LRP1B: variants seen among roughly 807,000 people sequenced by gnomAD.
LRP1B encodes low-density lipoprotein receptor-related protein 1B.
In LRP1B, 217 loss-of-function variants were observed where a neutral mutation model predicts 556.6. That is an observed-to-expected ratio of 0.39 (90% confidence interval 0.35 to 0.44). LRP1B has a LOEUF of 0.44. Ranked by LOEUF, LRP1B falls within the 20% of genes least tolerant of loss-of-function variation. The probability of loss-of-function intolerance (pLI) is 1.00; values close to 1 mark genes in which losing one functional copy is unlikely to be tolerated. For missense variants in LRP1B, 5,053 were observed against 5,620.8 expected (o/e 0.90, Z 3.23); for synonymous variants, 2,047 against 1,865.8 (o/e 1.10, Z -2.50).
intron 1 of LRP1B, among the ~76,000 whole-genome samples, chr2:142,073,170 T>C (rs924124783): frequency 6.6e-6 from 1 of 152,010 alleles, no homozygotes; most frequent in African/African-American, 2.4e-5. Context: ...AGTAGGACTA[T>C]ATTTCTATAT....
At chr2:140,295,019 G>A (rs1035398916) in intron 84 of LRP1B, among the ~76,000 whole-genome samples, 1 of 152,050 alleles carries the variant, frequency 6.6e-6, no homozygotes, top group African/African-American at 2.4e-5. Context: ...TGGGACTACA[G>A]GTGCCCGCCA....
chr2:140,883,862 C>A lies in LRP1B; in HGVS notation c.4124G>T (p.Gly1375Val). 6.2e-7 allele frequency: 1 copy of A among 1,613,870 alleles called. No individual in the cohort carries two copies. The highest frequency in any genetic ancestry group is 8.5e-7 in the Non-Finnish European group (1 of 1,179,918). Residue 1375 changes from glycine to valine, a missense_variant, in exon 25 of 91, where the codon GGA (glycine) becomes GTA (valine). This residue lies in a region of LRP1B where 3,619 missense variants were observed against 3,931.9 expected (regional missense o/e 0.92). Transcript: ENST00000389484. Reference sequence around the variant, plus strand: ...AATGGCCCTGGGGTGTTCCATGGCTCCTGCTATTAGTGTAGTTCTTAGGGA... The same window carrying A: ...AATGGCCCTGGGGTGTTCCATGGCTACTGCTATTAGTGTAGTTCTTAGGGA... ...DGSLRTTLIA[G>V]AMEHPRAIAL...
At chr2:140,255,597 T>C (rs1681638845) in intron 86 of LRP1B, among the ~76,000 whole-genome samples, 1 of 152,222 alleles carries the variant, frequency 6.6e-6, no homozygotes, top group African/African-American at 2.4e-5. Context: ...TCTTGAACAG[T>C]ATCCAGTAAA....
intron 15 of LRP1B, among the ~76,000 whole-genome samples, chr2:140,997,269 C>CT (rs1347671593): frequency 1.3e-5 from 2 of 151,872 alleles, no homozygotes; most frequent in Non-Finnish European, 2.9e-5. Context: ...CTCCAAGGCA[C>CT]TACAAAAGAA....
intron 63 of LRP1B, among the ~76,000 whole-genome samples, chr2:140,447,179 GAAGAA>G (rs536755047): frequency 6.9e-4 from 105 of 152,188 alleles, no homozygotes; most frequent in African/African-American, 2.0e-3. Flanking sequence ...GCAATGATGT[GAAGAA>G]AAGAAAACTC....
At chr2:141,313,755 T>G (rs932056461) in intron 3 of LRP1B, among the ~76,000 whole-genome samples, 14 of 152,178 alleles carry the variant, frequency 9.2e-5, no homozygotes, top group Non-Finnish European at 1.9e-4. Flanking sequence ...AAAAATAACT[T>G]GGGGAACTGA....
intron 41 of LRP1B, among the ~76,000 whole-genome samples, chr2:140,630,224 C>T (rs476680): frequency 0.083 from 12,545 of 151,994 alleles, 678 homozygotes; most frequent in East Asian, 0.18. Context: ...ACAAGTTTTC[C>T]GGGAGATTCT....
At chr2:141,995,757 C>T (rs142334034) in intron 1 of LRP1B, among the ~76,000 whole-genome samples, 2 of 152,218 alleles carry the variant, frequency 1.3e-5, no homozygotes, top group East Asian at 3.9e-4. Flanking sequence ...TTGGTGAAAA[C>T]TTTCAAGAAA....
At chr2:142,123,777 T>A (rs1331510347) in intron 1 of LRP1B, among the ~76,000 whole-genome samples, 1 of 151,778 alleles carries the variant, frequency 6.6e-6, no homozygotes, top group Non-Finnish European at 1.5e-5. Context: ...AAATGGAAAC[T>A]TTTAAATACA....
intron 3 of LRP1B, among the ~76,000 whole-genome samples, chr2:141,352,358 G>A (rs1477052811): frequency 1.3e-5 from 2 of 151,776 alleles, no homozygotes; most frequent in Non-Finnish European, 2.9e-5. Context: ...AAATCATGGG[G>A]TTATGCTATA....
In LRP1B at chr2:140,868,189, T is replaced by A. The variant is rs1266996774; in HGVS notation, c.4244A>T (p.Lys1415Ile). The A allele has an allele frequency of 6.2e-7, 1 of 1,611,560 alleles. No homozygotes were observed. Among genetic ancestry groups the A allele is most frequent in the Non-Finnish European group, 8.5e-7 (1 of 1,178,782 alleles). Residue 1415 changes from lysine (K) to isoleucine (I), a missense_variant, in exon 26 of 91, where the codon AAA (lysine) becomes ATA (isoleucine). This residue lies in a region of LRP1B where 3,619 missense variants were observed against 3,931.9 expected (regional missense o/e 0.92). Transcript: ENST00000389484. ...ESASMSGAGR[K>I]TIYKDMKTGA... ...AGTTTTCATGTCTTTATAGATGGTT[T>A]TTCTCCCAGCACCACTCATAGAGGC...
intron 3 of LRP1B, among the ~76,000 whole-genome samples, chr2:141,339,318 T>A (rs1687967981): frequency 7.1e-6 from 1 of 141,220 alleles, no homozygotes; most frequent in Admixed American, 6.9e-5. Context: ...AAAAAAAGCA[T>A]TCAAAACTAC....
chr2:140,620,658 A>C (rs1056553883), intron 41 of LRP1B, among the ~76,000 whole-genome samples: 12 of 152,052 alleles, frequency 7.9e-5, no homozygotes, highest in African/African-American at 2.9e-4. Context: ...GTAAGTGTAA[A>C]GATCTTCAAA....
At chr2:140,614,722 C>T (rs1683198435) in intron 41 of LRP1B, among the ~76,000 whole-genome samples, 1 of 152,118 alleles carries the variant, frequency 6.6e-6, no homozygotes, top group African/African-American at 2.4e-5. Context: ...ATGAAACTCT[C>T]CTCCACTACC....
At chr2:140,536,121 G>A (rs991452878) in intron 46 of LRP1B, among the ~76,000 whole-genome samples, 1 of 151,626 alleles carries the variant, frequency 6.6e-6, no homozygotes, top group Non-Finnish European at 1.5e-5. Context: ...TAAGTCGGGG[G>A]TTCAAAAGAT....
rs1340146713 is a variant in LRP1B at position 140,857,258 on chromosome 2, G to A, written c.4580-5475C>T. ...AGAATGCCAGGATCCAATTTGTTAG[G>A]TAGAGAAAGATTTTTCTCCCTCCCA... On this transcript the variant is annotated intron_variant, in intron 27 of 90. Coordinates refer to ENST00000389484, the MANE Select transcript of LRP1B (RefSeq NM_018557.3). Among the ~76,000 whole-genome samples, 3 of 152,058 alleles carry A rather than the reference G, an allele frequency of 2.0e-5. No homozygotes were observed. In the South Asian group the frequency reaches 6.2e-4, roughly 32 times the overall value.
intron 18 of LRP1B, among the ~76,000 whole-genome samples, chr2:140,963,823 G>A (rs1160634858): frequency 1.3e-5 from 2 of 152,200 alleles, no homozygotes; most frequent in Admixed American, 6.5e-5. Context: ...TGGGCGTGGT[G>A]GCACATGCCT....
At chr2:140,500,390 G>C (rs1312193540) in intron 55 of LRP1B, among the ~76,000 whole-genome samples, 2 of 151,900 alleles carry the variant, frequency 1.3e-5, no homozygotes. Flanking sequence ...CTGTTAGATA[G>C]AACTGGCTTG....
At chr2:140,254,884 G>T (rs1234647958) in intron 86 of LRP1B, among the ~76,000 whole-genome samples, 1 of 152,002 alleles carries the variant, frequency 6.6e-6, no homozygotes, top group Non-Finnish European at 1.5e-5. Flanking sequence ...TTTCTACATA[G>T]CGACCAAAAT....
Sources: allele counts gnomAD v4.1 joint callset (sites outside exome capture counted in the v4.1 genomes callset), GRCh38; gene constraint gnomAD v4.1.1; regional missense constraint gnomAD v4.1.1; transcripts MANE v1.5; gene names NCBI Gene and HGNC (gene_info 2026-07-23, HGNC 2026-07-21).